RFFL: variants seen among roughly 807,000 people sequenced by gnomAD.
RFFL encodes E3 ubiquitin-protein ligase rififylin.
Under a neutral mutation model 40.4 loss-of-function variants are expected in RFFL, and 16 were observed. The ratio of observed to expected loss-of-function variants is 0.40; its 90% CI spans 0.27 to 0.60. The LOEUF (loss-of-function observed/expected upper bound fraction) is 0.60, where lower values mean the gene tolerates loss of function less well. Ranked by LOEUF, RFFL falls within the 20% of genes least tolerant of loss-of-function variation. RFFL has a pLI of 0.47. For synonymous variants in RFFL, 154 were observed against 167.9 expected (o/e 0.92, Z 0.64); for missense variants, 367 against 451.7 (o/e 0.81, Z 1.70).
In RFFL at chr17:35,007,296, G is replaced by C. The variant is rs2090902175; in HGVS notation, c.*4672C>G. The C allele has an allele frequency of 6.6e-6, 1 of 152,226 alleles. No individual in the cohort carries two copies. The allele number at this position is 152,226 out of a possible 1,614,324, so 9.4% of individuals were successfully genotyped here. A position where few individuals can be genotyped will look rare whatever the true frequency, so the allele number is the denominator to read the frequency against. On this transcript the variant is annotated 3_prime_UTR_variant, in exon 7 of 7. Coordinates refer to ENST00000394597, the MANE Select transcript of RFFL (RefSeq NM_001017368.2). ...TGTTATTGCCATTTCAATGTCAGTGGTTTTTTATGTATTTTCTTCCAGTCT... is the reference window on the plus strand; with the variant it reads ...TGTTATTGCCATTTCAATGTCAGTGCTTTTTTATGTATTTTCTTCCAGTCT...
intron 1 of RFFL, among the ~76,000 whole-genome samples, chr17:35,073,473 A>G (rs986787787): frequency 6.6e-6 from 1 of 152,232 alleles, no homozygotes; most frequent in Admixed American, 6.5e-5. Context: ...CTTATAAAAG[A>G]AGAAAGACTG....
chr17:35,025,705 T>C (rs2091036733), intron 2 of RFFL, among the ~76,000 whole-genome samples: 1 of 151,644 alleles, frequency 6.6e-6, no homozygotes, highest in African/African-American at 2.4e-5. Flanking sequence ...GGGTTTACCT[T>C]CTGCCTAGTC....
chr17:35,070,699 G>T (rs2091344096), intron 1 of RFFL, among the ~76,000 whole-genome samples: 1 of 152,126 alleles, frequency 6.6e-6, no homozygotes, highest in African/African-American at 2.4e-5. Flanking sequence ...AAAAGAGTTT[G>T]TCTAGGGTCT....
upstream of RFFL, among the ~76,000 whole-genome samples, chr17:35,068,587 A>G (rs1349104734): frequency 1.3e-5 from 2 of 152,262 alleles, no homozygotes; most frequent in Non-Finnish European, 2.9e-5. Context: ...AATCTATTCT[A>G]TAATGCAATT....
At chr17:35,016,646 C>T (rs2090975628) in intron 4 of RFFL, 66 bp from the exon 5 acceptor site, 1 of 1,312,118 alleles carries the variant, frequency 7.6e-7, no homozygotes, top group Non-Finnish European at 1.1e-6. Context: ...CTCCAAGGAC[C>T]CCAAAGCAGT....
intron 1 of RFFL, among the ~76,000 whole-genome samples, chr17:35,074,988 T>C (rs1015234548): frequency 6.6e-6 from 1 of 152,160 alleles, no homozygotes; most frequent in African/African-American, 2.4e-5. Flanking sequence ...GGAAAGGGGA[T>C]TGTTTGTAAA....
At chr17:35,014,675 T>G (rs1322641100) in intron 6 of RFFL, 65 bp downstream of exon 6, 1 of 1,402,558 alleles carries the variant, frequency 7.1e-7, no homozygotes. Context: ...CTAAAGGGAT[T>G]GGGGTTGAAG....
chr17:35,021,891 CTTACTT>C (rs980774135), intron 2 of RFFL, 110 bp from the exon 3 acceptor site: 1 of 1,023,220 alleles, frequency 9.8e-7, no homozygotes, highest in Non-Finnish European at 1.5e-6. Flanking sequence ...TCCAGTCACT[CTTACTT>C]TTACTAAGCT....
chr17:35,036,812 A>G (rs2091126369), intron 1 of RFFL, among the ~76,000 whole-genome samples: 1 of 152,248 alleles, frequency 6.6e-6, no homozygotes, highest in Non-Finnish European at 1.5e-5. Flanking sequence ...TAGATTCCTA[A>G]GTAGTTTCAA....
At chr17:35,071,436 G>A (rs1185335360) in intron 1 of RFFL, among the ~76,000 whole-genome samples, 1 of 151,664 alleles carries the variant, frequency 6.6e-6, no homozygotes, top group African/African-American at 2.4e-5. Flanking sequence ...TGGCCAACAT[G>A]GTGAAACCCT....
intron 1 of RFFL, among the ~76,000 whole-genome samples, chr17:35,076,278 A>G (rs1350806042): frequency 6.6e-6 from 1 of 152,038 alleles, no homozygotes; most frequent in Non-Finnish European, 1.5e-5. Flanking sequence ...TACAGGCATG[A>G]GCCACCATGC....
intron 1 of RFFL, among the ~76,000 whole-genome samples, chr17:35,041,546 A>C (rs2142346117): frequency 1.3e-5 from 2 of 151,714 alleles, no homozygotes; most frequent in Middle Eastern, 3.4e-3. Context: ...CTCACTCGTT[A>C]ACTTCAAGCC....
chr17:35,050,768 G>A (rs893587454), intron 1 of RFFL, among the ~76,000 whole-genome samples: 3 of 152,134 alleles, frequency 2.0e-5, no homozygotes, highest in Admixed American at 1.3e-4. Flanking sequence ...AGGTCAGGAG[G>A]TTGAGACCAG....
At chr17:35,053,407 T>G (rs2142359242) in intron 1 of RFFL, among the ~76,000 whole-genome samples, 1 of 152,260 alleles carries the variant, frequency 6.6e-6, no homozygotes, top group South Asian at 2.1e-4. Context: ...GAGGGGCATT[T>G]TGACTCCAGA....
chr17:35,013,670 G>A, intron 6 of RFFL, among the ~76,000 whole-genome samples: 1 of 152,196 alleles, frequency 6.6e-6, no homozygotes, highest in South Asian at 2.1e-4. Context: ...CCTAACAGAG[G>A]TTTGGAGACT....
At chr17:35,022,903 A>G (rs1355230177) in intron 2 of RFFL, among the ~76,000 whole-genome samples, 1 of 152,248 alleles carries the variant, frequency 6.6e-6, no homozygotes, top group African/African-American at 2.4e-5. Context: ...CTGATGGGCA[A>G]GCTGGTACTG....
At chr17:35,038,373 TTG>T (rs201978106) in intron 1 of RFFL, among the ~76,000 whole-genome samples, 243 of 152,124 alleles carry the variant, frequency 1.6e-3, no homozygotes, top group East Asian at 0.012. Context: ...TTTGGAAATT[TTG>T]TGTGTGTGTG....
chr17:35,062,074 C>G (rs2091294342), intron 1 of RFFL, among the ~76,000 whole-genome samples: 1 of 151,926 alleles, frequency 6.6e-6, no homozygotes, highest in African/African-American at 2.4e-5. Context: ...CCAACAAAAT[C>G]AACAGGGTTT....
rs1026030395 is a variant in RFFL, at chr17:35,009,876, G to A, written c.*2092C>T. On this transcript the variant is annotated 3_prime_UTR_variant, in exon 7 of 7. Coordinates refer to ENST00000394597, the MANE Select transcript of RFFL (RefSeq NM_001017368.2). ...TGCACATACATAGACCTGTTTTACA[G>A]AGGAACTGAGTAGCTGAATGAATGA... The A allele has an allele frequency of 1.3e-5, 2 of 152,674 alleles. No individual in the cohort carries two copies. The highest frequency in any genetic ancestry group is 2.9e-5 in the Non-Finnish European group (2 of 68,048). The allele number at this position is 152,674 out of a possible 1,614,324, so 9.5% of individuals were successfully genotyped here.
Sources: allele counts gnomAD v4.1 joint callset (sites outside exome capture counted in the v4.1 genomes callset), GRCh38; gene constraint gnomAD v4.1.1; transcripts MANE v1.5; gene names NCBI Gene and HGNC (gene_info 2026-07-23, HGNC 2026-07-21).